MYO1B: variants seen among roughly 807,000 people sequenced by gnomAD.
The protein encoded by MYO1B is myosin IB, also known as unconventional myosin-Ib.
A neutral mutation model predicts 159.7 loss-of-function variants in MYO1B; 72 were observed. The observed-to-expected ratio is 0.45, with a 90% CI of 0.37 to 0.55. The LOEUF (loss-of-function observed/expected upper bound fraction) is 0.55. Ranked by LOEUF, MYO1B falls within the 20% of genes least tolerant of loss-of-function variation. MYO1B has a pLI of 0.00. For missense variants in MYO1B, 1,062 were observed against 1,364.8 expected (o/e 0.78, Z 3.50); for synonymous variants, 468 against 473.8 (o/e 0.99, Z 0.16).
intron 13 of MYO1B, among the ~76,000 whole-genome samples, chr2:191,374,724 A>T (rs1223210614): frequency 2.0e-5 from 3 of 152,114 alleles, no homozygotes; most frequent in Non-Finnish European, 4.4e-5. Context: ...ATTAAAATGC[A>T]TAGAGGAAAA....
chr2:191,305,658 A>T (rs893777519), intron 3 of MYO1B, among the ~76,000 whole-genome samples: 4 of 152,200 alleles, frequency 2.6e-5, no homozygotes, highest in African/African-American at 9.6e-5. Context: ...CCGAAGGGAG[A>T]AAGCAGCCAT....
chr2:191,300,905 A>G (rs1689289905), intron 3 of MYO1B, among the ~76,000 whole-genome samples: 5 of 151,986 alleles, frequency 3.3e-5, no homozygotes. Flanking sequence ...AAATAATTCC[A>G]TTTTGTATAA....
Position 191,402,502 on chromosome 2 carries a change from C to T in MYO1B, c.2470-130C>T. 5.2e-6 allele frequency: 4 copies of T among 768,120 alleles called. No homozygotes were observed. In the South Asian group the frequency reaches 6.2e-5, roughly 12 times the overall value. 47.6% of individuals were successfully genotyped at this position (768,120 alleles called of 1,614,324 possible). ...AATTCTTTGGGTTTAAATTGTTATG[C>T]ACTGTTCCTCTGTCATTCTGAAATC... On this transcript the variant is annotated intron_variant, in intron 23 of 30. Coordinates refer to ENST00000392318, the MANE Select transcript of MYO1B (RefSeq NM_001130158.3).
chr2:191,255,584 C>T (rs927180076), intron 1 of MYO1B, among the ~76,000 whole-genome samples: 20 of 152,312 alleles, frequency 1.3e-4, no homozygotes, highest in African/African-American at 4.8e-4. Context: ...ATTTTAGTGA[C>T]TGATGACTTA....
At chr2:191,332,522 C>T (rs1425579835) in intron 4 of MYO1B, among the ~76,000 whole-genome samples, 1 of 152,136 alleles carries the variant, frequency 6.6e-6, no homozygotes, top group African/African-American at 2.4e-5. Context: ...GCTTTCCCTT[C>T]CCTTAGGATT....
At chr2:191,328,547 A>C (rs1445821129) in intron 3 of MYO1B, among the ~76,000 whole-genome samples, 1 of 152,244 alleles carries the variant, frequency 6.6e-6, no homozygotes, top group Admixed American at 6.5e-5. Flanking sequence ...ATTTAAAATG[A>C]CTAAACGTAA....
intron 1 of MYO1B, among the ~76,000 whole-genome samples, chr2:191,271,128 G>A (rs1241056830): frequency 6.6e-6 from 1 of 152,190 alleles, no homozygotes; most frequent in Non-Finnish European, 1.5e-5. Flanking sequence ...TTCTAGAAAA[G>A]GTGCTGTCAT....
chr2:191,291,741 T>C (rs1327231689), intron 2 of MYO1B, among the ~76,000 whole-genome samples: 2 of 152,200 alleles, frequency 1.3e-5, no homozygotes, highest in Non-Finnish European at 2.9e-5. Context: ...CAGTTGTTTA[T>C]TTAAAAAATG....
intron 1 of MYO1B, among the ~76,000 whole-genome samples, chr2:191,260,760 A>G (rs1189146040): frequency 7.5e-6 from 1 of 133,806 alleles, no homozygotes; most frequent in Non-Finnish European, 1.5e-5. Context: ...TATTCTTTCT[A>G]TCTTTAAGAG....
chr2:191,397,410 A>C (rs1394794092), intron 21 of MYO1B, among the ~76,000 whole-genome samples: 48 of 150,402 alleles, frequency 3.2e-4, no homozygotes, highest in Admixed American at 1.1e-3. Flanking sequence ...GAGCATGCTG[A>C]CTTCAAGCAT....
chr2:191,421,782 G>C (rs969050669), intron 30 of MYO1B, among the ~76,000 whole-genome samples: 3 of 152,130 alleles, frequency 2.0e-5, no homozygotes, highest in African/African-American at 7.2e-5. Flanking sequence ...AGCCACAAGT[G>C]GTCTTTGAAA....
At chr2:191,383,211 C>G (rs1695145468) in intron 14 of MYO1B, 69 bp from the exon 15 acceptor site, 1 of 906,292 alleles carries the variant, frequency 1.1e-6, no homozygotes, top group East Asian at 3.0e-5. Context: ...TGGTCAAAGT[C>G]TGTTTTATGG....
At chr2:191,329,646 ATTAT>A (rs199725884) in intron 3 of MYO1B, among the ~76,000 whole-genome samples, 165 of 147,778 alleles carry the variant, frequency 1.1e-3, no homozygotes, top group Middle Eastern at 3.6e-3. Flanking sequence ...ATTTATATAA[ATTAT>A]TTATTTATAT....
At chr2:191,390,891 TCTATAC>T (rs1695707216) in intron 18 of MYO1B, among the ~76,000 whole-genome samples, 1 of 152,248 alleles carries the variant, frequency 6.6e-6, no homozygotes, top group African/African-American at 2.4e-5. Context: ...TTTGCCTATA[TCTATAC>T]CAGTTAATCA....
chr2:191,274,969 G>A (rs1262225253), intron 1 of MYO1B, among the ~76,000 whole-genome samples: 6 of 151,988 alleles, frequency 3.9e-5, no homozygotes, highest in Admixed American at 2.0e-4. Flanking sequence ...TTACAGTGGC[G>A]CAATCTCGGC....
At chr2:191,301,598 A>G (rs573320314) in intron 3 of MYO1B, among the ~76,000 whole-genome samples, 7 of 152,364 alleles carry the variant, frequency 4.6e-5, no homozygotes, top group African/African-American at 1.7e-4. Context: ...TTAAATATAA[A>G]TGAATTTAAT....
intron 1 of MYO1B, among the ~76,000 whole-genome samples, chr2:191,266,052 G>T (rs997630030): frequency 6.6e-6 from 1 of 152,108 alleles, no homozygotes; most frequent in Non-Finnish European, 1.5e-5. Context: ...CTGCCCTTTG[G>T]CAGCCATTCC....
intron 3 of MYO1B, among the ~76,000 whole-genome samples, chr2:191,310,105 A>C (rs1171907449): frequency 6.6e-6 from 1 of 152,242 alleles, no homozygotes; most frequent in Non-Finnish European, 1.5e-5. Context: ...CATAAGCTGC[A>C]TTTTAATGTA....
intron 11 of MYO1B, among the ~76,000 whole-genome samples, chr2:191,365,662 G>A (rs974781155): frequency 2.6e-5 from 4 of 152,158 alleles, no homozygotes; most frequent in African/African-American, 9.7e-5. Flanking sequence ...CCCTGAGTTG[G>A]GAAGTAAGAG....
Sources: gnomAD v4.1 joint callset for allele counts (sites outside exome capture counted in the v4.1 genomes callset) on GRCh38, gnomAD v4.1.1 for gene constraint, MANE v1.5 for transcripts, NCBI Gene and HGNC (gene_info 2026-07-23, HGNC 2026-07-21) for gene names.